RABGGTB: variants seen among roughly 807,000 people sequenced by gnomAD.
RABGGTB encodes geranylgeranyl transferase type-2 subunit beta.
RABGGTB carries 20 observed loss-of-function variants against 44.5 expected under a neutral mutation model. That is an observed-to-expected ratio of 0.45 (90% CI 0.32 to 0.65). RABGGTB has a LOEUF of 0.65. Among genes scored for constraint, RABGGTB ranks in the 30% least tolerant of loss-of-function variants. RABGGTB has a pLI of 0.05. For missense variants in RABGGTB, 302 were observed against 398.7 expected (o/e 0.76, Z 2.06); for synonymous variants, 128 against 136.7 (o/e 0.94, Z 0.44).
chr1:75,790,415 AT>A, intron 4 of RABGGTB: 1 of 1,138,074 alleles, frequency 8.8e-7, no homozygotes, highest in Non-Finnish European at 1.1e-6. Context: ...ATAGAATTTT[AT>A]TTGATAAACG....
rs1223386558 is a variant in RABGGTB, at chr1:75,792,250, T to C, written c.649T>C (p.Trp217Arg). The C allele has an allele frequency of 4.3e-6, 7 of 1,614,030 alleles. No homozygotes were observed. Among genetic ancestry groups the C allele is most frequent in the Non-Finnish European group, 5.9e-6 (7 of 1,179,994 alleles). ...TCAAGTAAATTCTGATTTACTTGGC[T>C]GGTGGCTTTGTGAACGACAATTACC... ...LHQVNSDLLGWWLCERQLPSG... is the reference protein window; with the variant it reads ...LHQVNSDLLGRWLCERQLPSG... Residue 217 changes from tryptophan (W) to arginine (R), a missense_variant, in exon 7 of 9, where the codon TGG (tryptophan) becomes CGG (arginine). Transcript: ENST00000319942.
In RABGGTB at chr1:75,794,869, G is replaced by A. The variant is rs189706403; in HGVS notation, c.*219G>A. The A allele has an allele frequency of 8.2e-5, 19 of 231,872 alleles. No homozygotes were observed. Among genetic ancestry groups the A allele is most frequent in the African/African-American group, 4.4e-4 (19 of 43,512 alleles). 14.4% of individuals were successfully genotyped at this position (231,872 alleles called of 1,614,324 possible). ...CCTGTTATTCTGACTACAGTTCTTT[G>A]TGTATACTTCTGTGTCTGTTATGTT... is the stretch of plus-strand genomic sequence containing the variant. On this transcript the variant is annotated 3_prime_UTR_variant, in exon 9 of 9. Coordinates refer to ENST00000319942, the MANE Select transcript of RABGGTB (RefSeq NM_004582.4).
At position 75,794,948 on chromosome 1, in the gene RABGGTB, A is replaced by C. The variant is rs1160178062; in HGVS notation, c.*298A>C. ...TAGGTTTCTACTTGATTTTTCCCCC[A>C]TGTATACCTTTCATCTGTTCTATAG... On this transcript the variant is annotated 3_prime_UTR_variant, in exon 9 of 9. Transcript: ENST00000319942. The C allele has an allele frequency of 3.6e-5, 7 of 194,456 alleles. No homozygotes were observed. The highest frequency in any genetic ancestry group is 7.4e-5 in the Non-Finnish European group (7 of 94,892). 12.0% of individuals were successfully genotyped at this position (194,456 alleles called of 1,614,324 possible). A position where few individuals can be genotyped will look rare whatever the true frequency, so the allele number is the denominator to read the frequency against.
At chr1:75,790,460 C>T (rs2100487048) in intron 4 of RABGGTB, 1 of 1,057,196 alleles carries the variant, frequency 9.5e-7, no homozygotes, top group East Asian at 7.1e-5. Context: ...GAACACAGTG[C>T]AGGCCAGAGA....
At chr1:75,791,685 A>G (rs1445391706) in intron 6 of RABGGTB, 114 bp downstream of exon 6, 1 of 858,620 alleles carries the variant, frequency 1.2e-6, no homozygotes, top group Non-Finnish European at 1.8e-6. Flanking sequence ...ATTCGACTGT[A>G]ATAGGGCATC....
intron 4 of RABGGTB, 50 bp downstream of exon 4, chr1:75,790,107 A>G (rs1164158477): frequency 1.2e-6 from 2 of 1,605,194 alleles, no homozygotes; most frequent in African/African-American, 2.7e-5. Flanking sequence ...ATTAAAATGT[A>G]CTGGTTTTGC....
intron 1 of RABGGTB, chr1:75,786,697 T>C (rs759465221): frequency 1.4e-4 from 38 of 276,952 alleles, no homozygotes; most frequent in Non-Finnish European, 2.5e-4. Context: ...TGACCTGTTA[T>C]AGTGACTGCA....
Position 75,794,711 on chromosome 1 carries a change from G to A in RABGGTB, c.*61G>A. On this transcript the variant is annotated 3_prime_UTR_variant, in exon 9 of 9. Coordinates refer to ENST00000319942, the MANE Select transcript of RABGGTB (RefSeq NM_004582.4). ...CCATTTTAACATTTCTGTATTTGAA[G>A]TGCTTATCGAATCTAAAAGTGACTA... 1.4e-6 allele frequency: 2 copies of A among 1,392,376 alleles called. No individual in the cohort carries two copies. Among genetic ancestry groups the A allele is most frequent in the Non-Finnish European group, 1.9e-6 (2 of 1,047,104 alleles). 86.3% of individuals were successfully genotyped at this position (1,392,376 alleles called of 1,614,324 possible).
chr1:75,786,228 GT>G, upstream of RABGGTB: 1 of 1,613,734 alleles, frequency 6.2e-7, no homozygotes, highest in South Asian at 1.1e-5. Context: ...CGGCTCCTAA[GT>G]CTACCCAGGA....
At chr1:75,791,608 T>C in intron 6 of RABGGTB, 37 bp downstream of exon 6, 1 of 1,528,958 alleles carries the variant, frequency 6.5e-7, no homozygotes, top group African/African-American at 1.4e-5. Flanking sequence ...TATTGTCATT[T>C]TGGAAGCCAG....
Position 75,793,967 on chromosome 1 carries a change from G to T in RABGGTB, c.706-117G>T, listed in dbSNP as rs181499526. 3,361 of 1,148,158 alleles carry T rather than the reference G, an allele frequency of 2.9e-3. 8 individuals carry two copies. Among genetic ancestry groups the T allele is most frequent in the Non-Finnish European group, 3.8e-3 (3,067 of 816,646 alleles). The allele number at this position is 1,148,158 out of a possible 1,614,324, so 71.1% of individuals were successfully genotyped here. A position where few individuals can be genotyped will look rare whatever the true frequency, so the allele number is the denominator to read the frequency against. On this transcript the variant is annotated intron_variant, in intron 7 of 8. Transcript: ENST00000319942. ...ATCCCTGGATTTCGTCCTTCCACAT[G>T]GTTTGACACTTTGAACATCAGATTA...
At chr1:75,787,289 A>T (rs1245813917) in intron 1 of RABGGTB, 16 of 621,940 alleles carry the variant, frequency 2.6e-5, no homozygotes, top group Non-Finnish European at 4.3e-5. Flanking sequence ...GTGCAGTGAC[A>T]CAACCTCAGT....
At position 75,787,505 on chromosome 1, in the gene RABGGTB, A is replaced by C. The variant is rs559894863; in HGVS notation, c.12A>C (p.Pro4=). ...CCACTTTATTTTGAAAGGGCACTCC[A>C]CAGAAGGATGTTATTATCAAGTCAG... The part of the protein sequence containing the change: MGT[P]QKDVIIKSDA... Residue 4 remains proline (P), a synonymous_variant, in exon 2 of 9, where the codon CCA becomes CCC. Transcript: ENST00000319942. 5.0e-6 allele frequency: 8 copies of C among 1,613,416 alleles called. No homozygotes were observed. The South Asian group carries it at 5.5e-5, about 11-fold the overall frequency.
At chr1:75,790,420 A>T in intron 4 of RABGGTB, 1 of 1,124,336 alleles carries the variant, frequency 8.9e-7, no homozygotes. Context: ...ATTTTATTTG[A>T]TAAACGTAGA....
At chr1:75,793,805 C>CA (rs1027539109) in intron 7 of RABGGTB, 9 of 301,380 alleles carry the variant, frequency 3.0e-5, no homozygotes, top group African/African-American at 1.7e-4. Flanking sequence ...CAGATAGAAA[C>CA]AAAGCAGATG....
At position 75,789,195 on chromosome 1, in the gene RABGGTB, A is replaced by G. The variant is rs761041672; in HGVS notation, c.148A>G (p.Ile50Val). Residue 50 changes from isoleucine (I) to valine (V), a missense_variant, in exon 3 of 9, where the codon ATC (isoleucine) becomes GTC (valine). Physicochemically the swap from Ile to Val is conservative, Grantham distance 29 (BLOSUM62 3). Around this residue, in one of 2 missense-constraint regions of RABGGTB, gnomAD observed 89 missense variants for 75.0 expected, o/e 1.19. Coordinates refer to ENST00000319942, the MANE Select transcript of RABGGTB (RefSeq NM_004582.4). ...CMSEYLRMSG[I>V]YWGLTVMDLM... ...GTCTGAGTATTTGAGAATGAGTGGC[A>G]TCTATTGGGGTCTGACAGTAATGGA... The G allele has an allele frequency of 6.2e-7, 1 of 1,614,018 alleles. No homozygotes were observed. Among genetic ancestry groups the G allele is most frequent in the South Asian group, 1.1e-5 (1 of 91,084 alleles).
intron 1 of RABGGTB, chr1:75,787,266 C>G (rs1298782424): frequency 1.6e-6 from 1 of 629,452 alleles, no homozygotes; most frequent in Admixed American, 2.5e-5. Flanking sequence ...GGTCTCCGGT[C>G]GCCCAGGATG....
chr1:75,787,372 A>C (rs1287313086), intron 1 of RABGGTB, 125 bp from the exon 2 acceptor site: 3 of 750,490 alleles, frequency 4.0e-6, no homozygotes, highest in African/African-American at 3.6e-5. Flanking sequence ...CAATTTTTAA[A>C]TGGAACGTTT....
At chr1:75,789,119 A>G (rs1331759518) in intron 2 of RABGGTB, 40 bp from the exon 3 acceptor site, 1 of 1,565,240 alleles carries the variant, frequency 6.4e-7, no homozygotes, top group Admixed American at 1.7e-5. Flanking sequence ...ACTTGTTACC[A>G]GTTCAAATGA....
Sources: gnomAD v4.1 joint callset for allele counts on GRCh38, gnomAD v4.1.1 for gene constraint, gnomAD v4.1.1 regional missense constraint, MANE v1.5 for transcripts, NCBI Gene and HGNC (gene_info 2026-07-23, HGNC 2026-07-21) for gene names.